The following LOXHD1 variants were observed in gnomAD, a reference collection of about 807,000 sequenced individuals.
The protein encoded by LOXHD1 is lipoxygenase homology PLAT domains 1.
Under a neutral mutation model 248.2 loss-of-function variants are expected in LOXHD1, and 205 were observed. The ratio of observed to expected loss-of-function variants is 0.83; its 90% CI spans 0.74 to 0.93. LOXHD1 has a LOEUF of 0.93. Among genes scored for constraint, LOXHD1 ranks in the 40% least tolerant of loss-of-function variants. LOXHD1 has a pLI of 0.00. For missense variants in LOXHD1, 2,930 were observed against 2,971.6 expected (o/e 0.99, Z 0.33); for synonymous variants, 1,113 against 1,162.8 (o/e 0.96, Z 0.87).
intron 33 of LOXHD1, chr18:46,518,858 G>GC (rs2035415492): frequency 1.0e-6 from 1 of 983,946 alleles, no homozygotes; most frequent in Admixed American, 6.1e-5. Context: ...AATGAGGGGT[G>GC]CCATCGGGAG....
intron 8 of LOXHD1, among the ~76,000 whole-genome samples, chr18:46,598,146 A>G (rs2144266650): frequency 1.3e-5 from 2 of 152,320 alleles, no homozygotes; most frequent in East Asian, 3.9e-4. Context: ...CTTATAAAAA[A>G]GCAGTTAGTT....
intron 12 of LOXHD1, among the ~76,000 whole-genome samples, chr18:46,583,428 T>C (rs2037999740): frequency 6.6e-6 from 1 of 152,028 alleles, no homozygotes; most frequent in African/African-American, 2.4e-5. Flanking sequence ...ATTATACATC[T>C]GACAAGGGGT....
intron 39 of LOXHD1, 98 bp from the exon 40 acceptor site, chr18:46,483,843 G>T: frequency 1.4e-6 from 2 of 1,393,702 alleles, no homozygotes; most frequent in Non-Finnish European, 1.9e-6. Context: ...GTGGGCCAGG[G>T]AACAGGGATG....
intron 36 of LOXHD1, among the ~76,000 whole-genome samples, chr18:46,506,691 C>T (rs2143902544): frequency 6.6e-6 from 1 of 152,330 alleles, no homozygotes; most frequent in African/African-American, 2.4e-5. Context: ...GTACCCCCAA[C>T]AAAATTTACT....
intron 34 of LOXHD1, among the ~76,000 whole-genome samples, chr18:46,514,291 A>G (rs1268031112): frequency 6.6e-6 from 1 of 152,078 alleles, no homozygotes; most frequent in East Asian, 1.9e-4. Context: ...GAACTTTTCA[A>G]TTGCCTGACT....
chr18:46,550,563 G>C (rs952818422), intron 21 of LOXHD1, among the ~76,000 whole-genome samples: 9 of 105,304 alleles, frequency 8.5e-5, no homozygotes, highest in African/African-American at 2.3e-4. Context: ...CTGGGCGACA[G>C]AGCGAGACTC....
intron 20 of LOXHD1, chr18:46,559,140 G>C (rs73429195): frequency 0.037 from 50,256 of 1,372,424 alleles, 1,242 homozygotes; most frequent in Middle Eastern, 0.098. Flanking sequence ...CTTGCGGCGA[G>C]GACTTCCTCT....
At chr18:46,545,609 T>C (rs1048499651) in intron 22 of LOXHD1, among the ~76,000 whole-genome samples, 188 bp from the exon 23 acceptor site, 3 of 149,914 alleles carry the variant, frequency 2.0e-5, no homozygotes, top group African/African-American at 7.4e-5. Flanking sequence ...TATGTTTCTA[T>C]GTTCCTCTTG....
At chr18:46,550,596 A>G (rs1433128775) in intron 21 of LOXHD1, among the ~76,000 whole-genome samples, 1 of 149,052 alleles carries the variant, frequency 6.7e-6, no homozygotes, top group Non-Finnish European at 1.5e-5. Context: ...AAAAAAAAAA[A>G]AAAAAGAGTC....
intron 9 of LOXHD1, among the ~76,000 whole-genome samples, chr18:46,593,987 T>C (rs1329811957): frequency 6.6e-6 from 1 of 152,206 alleles, no homozygotes; most frequent in Non-Finnish European, 1.5e-5. Flanking sequence ...AGTGTATTCG[T>C]ATGTTTTAAA....
intron 37 of LOXHD1, among the ~76,000 whole-genome samples, chr18:46,504,870 G>A (rs550257890): frequency 6.6e-6 from 1 of 152,290 alleles, no homozygotes; most frequent in African/African-American, 2.4e-5. Context: ...GAAGACAAAA[G>A]GGTGAATGAA....
At chr18:46,503,290 G>A (rs780723410) in intron 37 of LOXHD1, among the ~76,000 whole-genome samples, 11 of 152,134 alleles carry the variant, frequency 7.2e-5, no homozygotes, top group Non-Finnish European at 1.5e-4. Context: ...CTGTAGACAA[G>A]CTCTCCTGTT....
At chr18:46,617,046 CT>C (rs1422568349) in intron 5 of LOXHD1, among the ~76,000 whole-genome samples, 1 of 152,132 alleles carries the variant, frequency 6.6e-6, no homozygotes, top group Admixed American at 6.5e-5. Flanking sequence ...AGTATTTTAT[CT>C]GTGGAAATTT....
At chr18:46,627,123 G>A (rs1236003706) in intron 4 of LOXHD1, among the ~76,000 whole-genome samples, 2 of 152,246 alleles carry the variant, frequency 1.3e-5, no homozygotes, top group East Asian at 3.9e-4. Flanking sequence ...ACTTGAGTAG[G>A]TCATGTCTTC....
intron 40 of LOXHD1, among the ~76,000 whole-genome samples, chr18:46,482,131 T>C (rs1224195753): frequency 1.3e-5 from 2 of 152,106 alleles, no homozygotes; most frequent in Admixed American, 1.3e-4. Context: ...ATAGAGCAAC[T>C]CCTACAGGAT....
intron 12 of LOXHD1, among the ~76,000 whole-genome samples, chr18:46,586,108 A>G (rs577465966): frequency 6.6e-6 from 1 of 152,360 alleles, no homozygotes; most frequent in African/African-American, 2.4e-5. Flanking sequence ...ATATGGATGA[A>G]TCTTGAAAAC....
At chr18:46,642,071 T>G (rs1361072921) in intron 2 of LOXHD1, 35 bp from the exon 3 acceptor site, 1 of 1,542,252 alleles carries the variant, frequency 6.5e-7, no homozygotes, top group Non-Finnish European at 8.8e-7. Context: ...GCAGATCAGC[T>G]GTTGGCTCAC....
At chr18:46,626,807 C>A (rs752227237) in intron 4 of LOXHD1, among the ~76,000 whole-genome samples, 2 of 152,188 alleles carry the variant, frequency 1.3e-5, no homozygotes, top group Non-Finnish European at 2.9e-5. Context: ...AATGATTTCA[C>A]CTCCCCCTTC....
chr18:46,559,526 G>C lies in LOXHD1; in HGVS notation c.3138C>G (p.Ile1046Met). Residue 1046 changes from isoleucine to methionine, a missense_variant, in exon 20 of 41, where the codon ATC (isoleucine) becomes ATG (methionine). Physicochemically the swap from Ile to Met is conservative, Grantham distance 10. Coordinates refer to ENST00000642948, the MANE Select transcript of LOXHD1 (RefSeq NM_001384474.1). ...AGTDANVYLT[I>M]YGEEYGDTGE... ...CCGTGTCTCCATACTCCTCGCCGTA[G>C]ATGGTTAGGTAGACGTTAGCATCAG... is the stretch of plus-strand genomic sequence containing the variant. 1.9e-6 allele frequency: 3 copies of C among 1,552,052 alleles called. No individual in the cohort carries two copies. The highest frequency in any genetic ancestry group is 2.6e-6 in the Non-Finnish European group (3 of 1,147,076).
Sources: allele counts gnomAD v4.1 joint callset (sites outside exome capture counted in the v4.1 genomes callset), GRCh38; gene constraint gnomAD v4.1.1; transcripts MANE v1.5; gene names NCBI Gene and HGNC (gene_info 2026-07-23, HGNC 2026-07-21).